Variants in ANXA3 observed in about 807,000 individuals in gnomAD.
ANXA3 encodes annexin A3.
ANXA3 carries 46 observed loss-of-function variants against 48.8 expected under a neutral mutation model. That is an observed-to-expected ratio of 0.94 (90% CI 0.74 to 1.21). ANXA3 has a LOEUF of 1.21. Ranked by LOEUF, ANXA3 falls within the 50% of genes most tolerant of loss-of-function variation. ANXA3 has a pLI of 0.00. For missense variants in ANXA3, 383 were observed against 378.6 expected (o/e 1.01, Z -0.10); for synonymous variants, 128 against 134.7 (o/e 0.95, Z 0.35).
chr4:78,599,916 A>C (rs961159692), intron 10 of ANXA3, among the ~76,000 whole-genome samples: 3 of 151,926 alleles, frequency 2.0e-5, no homozygotes, highest in African/African-American at 7.3e-5. Flanking sequence ...CAAAAGTGAG[A>C]TCCCATCTCT....
At chr4:78,590,652 G>C (rs1343326463) in intron 6 of ANXA3, among the ~76,000 whole-genome samples, 2 of 152,026 alleles carry the variant, frequency 1.3e-5, no homozygotes, top group Non-Finnish European at 2.9e-5. Flanking sequence ...ATGCAAAAGG[G>C]GCTACAACTA....
At chr4:78,595,534 ACTTTT>A (rs1398768550) in intron 8 of ANXA3, 97 bp downstream of exon 8, 10 of 1,302,552 alleles carry the variant, frequency 7.7e-6, no homozygotes, top group African/African-American at 1.8e-5. Flanking sequence ...AGCAACAGGG[ACTTTT>A]CTTTTTTTTT....
chr4:78,591,419 A>G, intron 6 of ANXA3, 125 bp from the exon 7 acceptor site: 2 of 651,768 alleles, frequency 3.1e-6, no homozygotes, highest in Admixed American at 2.7e-5. Context: ...GAAATTAAAT[A>G]AAAGGGCAAG....
chr4:78,604,307 C>A lies in ANXA3; in HGVS notation c.820C>A (p.Arg274=). The change falls in exon 12 of 13, where the codon CGA becomes AGA. Residue 274 remains arginine (R), a synonymous_variant. Transcript: ENST00000264908. The part of the protein sequence containing the change: ...GIGTDEFTLN[R]IMVSRSEIDL... ...TGGAACTGATGAGTTTACTCTGAAC[C>A]GAATAATGGTGTCCAGATCAGAAAT... 6.2e-7 allele frequency: 1 copy of A among 1,612,490 alleles called. No individual in the cohort carries two copies. The highest frequency in any genetic ancestry group is 8.5e-7 in the Non-Finnish European group (1 of 1,178,910).
intron 11 of ANXA3, chr4:78,604,045 G>A (rs979955639): frequency 5.6e-6 from 2 of 354,486 alleles, no homozygotes; most frequent in Admixed American, 4.7e-5. Flanking sequence ...AAAACTGGAA[G>A]CTTAACATGG....
At chr4:78,605,816 T>C (rs1345429336) in intron 12 of ANXA3, among the ~76,000 whole-genome samples, 1 of 152,262 alleles carries the variant, frequency 6.6e-6, no homozygotes, top group Non-Finnish European at 1.5e-5. Context: ...GCAGTAAGCC[T>C]GACAAAAATT....
intron 2 of ANXA3, among the ~76,000 whole-genome samples, chr4:78,571,911 T>C (rs898895853): frequency 5.3e-5 from 8 of 152,364 alleles, no homozygotes; most frequent in African/African-American, 9.6e-5. Flanking sequence ...GTAGAGCTTT[T>C]AGAAGGTCTT....
rs1299838799 is a variant in ANXA3 at position 78,586,333 on chromosome 4, C to T, written c.386C>T (p.Ser129Phe). The change falls in exon 6 of 13, where the codon TCT becomes TTT. Residue 129 changes from serine (S) to phenylalanine (F), a missense_variant. Coordinates refer to ENST00000264908, the MANE Select transcript of ANXA3 (RefSeq NM_005139.3). ...TRTSRQMKDISQAYYTVYKKS... is the reference protein window; with the variant it reads ...TRTSRQMKDIFQAYYTVYKKS... ...ACAAGCAGGCAAATGAAGGATATCT[C>T]TCAAGCCTATTATACAGGTGTCTTA... 6.2e-7 allele frequency: 1 copy of T among 1,613,092 alleles called. No individual in the cohort carries two copies. Among genetic ancestry groups the T allele is most frequent in the Non-Finnish European group, 8.5e-7 (1 of 1,179,326 alleles).
At chr4:78,588,644 CA>C (rs1723227198) in intron 6 of ANXA3, among the ~76,000 whole-genome samples, 2 of 152,108 alleles carry the variant, frequency 1.3e-5, no homozygotes, top group African/African-American at 2.4e-5. Context: ...GTACTGGAGC[CA>C]GTACCTACAC....
chr4:78,577,729 G>C (rs973417430), intron 3 of ANXA3, among the ~76,000 whole-genome samples: 1 of 152,132 alleles, frequency 6.6e-6, no homozygotes, highest in Non-Finnish European at 1.5e-5. Context: ...CAAAGAAGTT[G>C]AGCATTGAGT....
At position 78,573,160 on chromosome 4, in the gene ANXA3, T is replaced by G; in HGVS notation, c.16-20T>G. On this transcript the variant is annotated intron_variant, in intron 2 of 12. Transcript: ENST00000264908. The stretch of plus-strand genomic sequence containing the variant: ...AGATGTCATTTTGAACCAATGGGAC[T>G]TTCAAGTATTTCCTTCTAGGTTGGA... 6.4e-7 allele frequency: 1 copy of G among 1,569,340 alleles called. No homozygotes were observed. Among genetic ancestry groups the G allele is most frequent in the South Asian group, 1.1e-5 (1 of 90,140 alleles).
intron 2 of ANXA3, among the ~76,000 whole-genome samples, chr4:78,562,200 A>AT (rs1196670073): frequency 2.1e-5 from 3 of 141,898 alleles, no homozygotes; most frequent in African/African-American, 5.2e-5. Context: ...TTGAAAGTCT[A>AT]TTTTTTTGGT....
intron 5 of ANXA3, among the ~76,000 whole-genome samples, chr4:78,585,245 G>T (rs532786777): frequency 2.6e-5 from 4 of 152,322 alleles, no homozygotes; most frequent in African/African-American, 9.6e-5. Flanking sequence ...TATTAGAACA[G>T]TTTCTCTTTT....
intron 9 of ANXA3, among the ~76,000 whole-genome samples, chr4:78,596,689 G>C (rs754352977): frequency 1.3e-5 from 2 of 152,106 alleles, no homozygotes; most frequent in African/African-American, 4.8e-5. Flanking sequence ...TCATGTCTTT[G>C]TTTGAAAAAC....
chr4:78,585,608 A>G (rs1479454754), intron 5 of ANXA3, among the ~76,000 whole-genome samples: 1 of 152,256 alleles, frequency 6.6e-6, no homozygotes, highest in Non-Finnish European at 1.5e-5. Context: ...TTACTAAGCA[A>G]GAAAGACAAA....
At chr4:78,605,894 T>C (rs1723637221) in intron 12 of ANXA3, among the ~76,000 whole-genome samples, 1 of 152,280 alleles carries the variant, frequency 6.6e-6, no homozygotes, top group South Asian at 2.1e-4. Flanking sequence ...AGATGGCAAC[T>C]AGTTAGTGGA....
At chr4:78,567,177 G>T (rs1722749489) in intron 2 of ANXA3, among the ~76,000 whole-genome samples, 1 of 152,262 alleles carries the variant, frequency 6.6e-6, no homozygotes, top group African/African-American at 2.4e-5. Flanking sequence ...TTGGTTACCA[G>T]TATTTTTCTC....
intron 1 of ANXA3, among the ~76,000 whole-genome samples, chr4:78,553,130 C>G (rs751587382): frequency 3.9e-5 from 6 of 152,140 alleles, no homozygotes; most frequent in Non-Finnish European, 8.8e-5. Flanking sequence ...GGCCAGGCAG[C>G]AGATTAAGGC....
Position 78,591,646 on chromosome 4 carries a change from T to C in ANXA3, c.483+23T>C, listed in dbSNP as rs10003947. On this transcript the variant is annotated intron_variant, in intron 7 of 12. Transcript: ENST00000264908. ...GATGTAAGGTTTTATTTTTTATTTT[T>C]TAACTCCCCAGTAAGCTGCATGCTC... is the stretch of plus-strand genomic sequence containing the variant. 3.8e-6 allele frequency: 6 copies of C among 1,585,186 alleles called. No individual in the cohort carries two copies. The East Asian group carries it at 1.1e-4, about 30-fold the overall frequency.
Sources: allele counts gnomAD v4.1 joint callset (sites outside exome capture counted in the v4.1 genomes callset), GRCh38; gene constraint gnomAD v4.1.1; transcripts MANE v1.5; gene names NCBI Gene and HGNC (gene_info 2026-07-23, HGNC 2026-07-21).